RHBDF2: variants seen among roughly 807,000 people sequenced by gnomAD.
RHBDF2 encodes the protein rhomboid 5 homolog 2.
Under a neutral mutation model 95.2 loss-of-function variants are expected in RHBDF2, and 38 were observed. The observed-to-expected ratio is 0.40, with a 90% CI of 0.31 to 0.52. The LOEUF is 0.52. Among genes scored for constraint, RHBDF2 ranks in the 20% least tolerant of loss-of-function variants. RHBDF2 has a pLI of 0.56. For synonymous variants in RHBDF2, 442 were observed against 462.0 expected (o/e 0.96, Z 0.55); for missense variants, 863 against 1,137.7 (o/e 0.76, Z 3.47).
At chr17:76,488,610 C>T (rs2074209413) in intron 1 of RHBDF2, among the ~76,000 whole-genome samples, 1 of 151,936 alleles carries the variant, frequency 6.6e-6, no homozygotes, top group African/African-American at 2.4e-5. Flanking sequence ...GAGTTCGAGA[C>T]CAGCCTGGCC....
intron 4 of RHBDF2, 152 bp downstream of exon 4, chr17:76,479,581 A>G: frequency 1.4e-6 from 1 of 726,550 alleles, no homozygotes; most frequent in South Asian, 1.5e-5. Flanking sequence ...CATCTATACC[A>G]TGATAATAGG....
chr17:76,478,742 G>C, intron 6 of RHBDF2, 64 bp downstream of exon 6: 17 of 1,388,968 alleles, frequency 1.2e-5, no homozygotes, highest in Non-Finnish European at 1.7e-5. Context: ...ATGAGGAGTG[G>C]AAGGGAGGGG....
At chr17:76,483,494 A>G (rs1567883237) in intron 2 of RHBDF2, among the ~76,000 whole-genome samples, 1 of 152,132 alleles carries the variant, frequency 6.6e-6, no homozygotes, top group Non-Finnish European at 1.5e-5. Context: ...CATGTTGGTC[A>G]GGCTGGTCTC....
intron 2 of RHBDF2, among the ~76,000 whole-genome samples, chr17:76,482,281 A>C (rs1399558591): frequency 6.6e-6 from 1 of 151,230 alleles, no homozygotes; most frequent in Non-Finnish European, 1.5e-5. Flanking sequence ...AGAGATGAGA[A>C]ACCTACTGTG....
chr17:76,472,158 G>A (rs2073593803), intron 18 of RHBDF2, 106 bp from the exon 19 acceptor site: 1 of 1,176,288 alleles, frequency 8.5e-7, no homozygotes, highest in South Asian at 1.6e-5. Context: ...GGCAGGCATG[G>A]GGACCCCTGA....
rs542240826 is a variant in RHBDF2, at chr17:76,490,590, C to G, written c.-219-2681G>C. Reference sequence around the variant, plus strand: ...GATGGGAGGCAAGCAGTGGAAGCAGCTGGGTGCAAGGGTGGGGCCTCCAGA... The same window carrying G: ...GATGGGAGGCAAGCAGTGGAAGCAGGTGGGTGCAAGGGTGGGGCCTCCAGA... On this transcript the variant is annotated intron_variant, in intron 1 of 18. Transcript: ENST00000675367. Among the ~76,000 whole-genome samples the G allele has an allele frequency of 3.2e-3, 489 of 152,238 alleles. 2 individuals carry two copies. Among genetic ancestry groups the G allele is most frequent in the Middle Eastern group, 0.01 (3 of 294 alleles).
At chr17:76,481,731 GA>G in intron 2 of RHBDF2, 186 bp from the exon 3 acceptor site, 1 of 462,622 alleles carries the variant, frequency 2.2e-6, no homozygotes, top group South Asian at 2.8e-5. Flanking sequence ...GAGGTGGGGG[GA>G]TCACGAGGTC....
chr17:76,484,348 T>C (rs962352743), intron 2 of RHBDF2, among the ~76,000 whole-genome samples: 2 of 151,980 alleles, frequency 1.3e-5, no homozygotes, highest in South Asian at 2.1e-4. Flanking sequence ...GTTTTGTTTT[T>C]CCTCTCCTTG....
intron 1 of RHBDF2, among the ~76,000 whole-genome samples, chr17:76,495,161 G>A (rs2074402534): frequency 6.6e-6 from 1 of 152,218 alleles, no homozygotes; most frequent in East Asian, 1.9e-4. Flanking sequence ...GTTTTCACGG[G>A]TCCTTGGAAG....
At chr17:76,486,362 C>G (rs1177012655) in intron 2 of RHBDF2, among the ~76,000 whole-genome samples, 1 of 152,136 alleles carries the variant, frequency 6.6e-6, no homozygotes, top group Non-Finnish European at 1.5e-5. Flanking sequence ...TTCGGCCTCT[C>G]AGAAAGTGCT....
Position 76,474,129 on chromosome 17 carries a change from G to A in RHBDF2, c.1478C>T (p.Thr493Ile), listed in dbSNP as rs1567873282. 3.8e-6 allele frequency: 6 copies of A among 1,586,388 alleles called. No individual in the cohort carries two copies. Among genetic ancestry groups the A allele is most frequent in the Non-Finnish European group, 5.1e-6 (6 of 1,168,670 alleles). ...QRKDCSETLA[T>I]FVKWQDDTGP... ...AGTGTCATCCTGCCACTTGACAAAA[G>A]TGGCCAAAGTCTCCTGGAGGGCAGA... Residue 493 changes from threonine to isoleucine, a missense_variant, in exon 13 of 19, where the codon ACT becomes ATT. By Grantham distance (89) the Thr-to-Ile change is moderately conservative (BLOSUM62 -1). Around this residue, in one of 2 missense-constraint regions of RHBDF2, gnomAD observed 611 missense variants for 725.5 expected, o/e 0.84. Coordinates refer to ENST00000675367, the MANE Select transcript of RHBDF2 (RefSeq NM_001005498.4).
At chr17:76,489,079 T>C (rs2074226761) in intron 1 of RHBDF2, among the ~76,000 whole-genome samples, 1 of 151,914 alleles carries the variant, frequency 6.6e-6, no homozygotes, top group Non-Finnish European at 1.5e-5. Context: ...TGAGCCGAGA[T>C]CGCGCCACTG....
intron 2 of RHBDF2, among the ~76,000 whole-genome samples, chr17:76,486,329 C>T (rs1160643732): frequency 6.6e-6 from 1 of 152,246 alleles, no homozygotes; most frequent in South Asian, 2.1e-4. Flanking sequence ...AGGCTAGTCT[C>T]GAACTCCTTA....
rs1292747550 is a variant in RHBDF2 at position 76,478,809 on chromosome 17, G to T, written c.669C>A (p.Leu223=). The change falls in exon 6 of 19, where the codon CTC becomes CTA. Residue 223 remains leucine (L), a synonymous_variant. Coordinates refer to ENST00000675367, the MANE Select transcript of RHBDF2 (RefSeq NM_001005498.4). ...HMSLQAAAAL[L]KGRSVLDATG... ...CCTGCAGGAGGGAGCCCCGCACCTT[G>T]AGGAGGGCAGCGGCAGCTTGCAAGC... 6.2e-7 allele frequency: 1 copy of T among 1,611,384 alleles called. No individual in the cohort carries two copies. Among genetic ancestry groups the T allele is most frequent in the Non-Finnish European group, 8.5e-7 (1 of 1,178,868 alleles).
In RHBDF2 at chr17:76,481,493, A is replaced by G. The variant is rs774891294; in HGVS notation, c.32T>C (p.Val11Ala). The change falls in exon 3 of 19, where the codon GTG (valine) becomes GCG (alanine). Residue 11 changes from valine (V) to alanine (A), a missense_variant. By Grantham distance (64) the Val-to-Ala change is moderately conservative. Transcript: ENST00000675367. Reference sequence around the variant, plus strand: ...CAGGCGGCTGCTGGACACAGAGGACACGCTCCCGCCATTCTTGTCAGCAGA... The same window carrying G: ...CAGGCGGCTGCTGGACACAGAGGACGCGCTCCCGCCATTCTTGTCAGCAGA... MASADKNGGSVSSVSSSRLQS... is the reference protein window; with the variant it reads MASADKNGGSASSVSSSRLQS... The G allele has an allele frequency of 1.2e-6, 2 of 1,605,132 alleles. No homozygotes were observed. Among genetic ancestry groups the G allele is most frequent in the Non-Finnish European group, 1.7e-6 (2 of 1,177,276 alleles).
At position 76,474,453 on chromosome 17, in the gene RHBDF2, G is replaced by A. The variant is rs1259181436; in HGVS notation, c.1384C>T (p.Arg462Ter). Residue 462 changes from arginine to a stop codon, truncating the protein, a stop_gained, in exon 12 of 19, where the codon CGA becomes TGA. Transcript: ENST00000675367. LOFTEE classifies it high-confidence loss of function. ...GQIEQLVLRE[R>*]DLERDSGCCV... ...CAGCCTGAGTCCCGCTCCAGGTCTC[G>A]CTCGCGCAGCACCAGCTGCTCGATC... The A allele has an allele frequency of 2.5e-6, 4 of 1,614,070 alleles. No homozygotes were observed. Among genetic ancestry groups the A allele is most frequent in the Admixed American group, 1.7e-5 (1 of 60,022 alleles).
chr17:76,485,981 T>A (rs2074114967), intron 2 of RHBDF2, among the ~76,000 whole-genome samples: 1 of 150,914 alleles, frequency 6.6e-6, no homozygotes, highest in Admixed American at 6.6e-5. Flanking sequence ...GGGCAGGGGG[T>A]GACAGCTAAA....
intron 2 of RHBDF2, among the ~76,000 whole-genome samples, chr17:76,483,571 C>A (rs2074034372): frequency 6.6e-6 from 1 of 152,218 alleles, no homozygotes; most frequent in Admixed American, 6.5e-5. Context: ...AGGTTTCAGC[C>A]ACCACACCCG....
intron 1 of RHBDF2, among the ~76,000 whole-genome samples, chr17:76,497,676 G>A (rs548357626): frequency 1.5e-4 from 23 of 152,068 alleles, no homozygotes; most frequent in African/African-American, 4.3e-4. Flanking sequence ...CCTTTACCAC[G>A]GGAGTCCTCA....
Sources: gnomAD v4.1 joint callset for allele counts (sites outside exome capture counted in the v4.1 genomes callset) on GRCh38, gnomAD v4.1.1 for gene constraint, gnomAD v4.1.1 regional missense constraint, MANE v1.5 for transcripts, NCBI Gene and HGNC (gene_info 2026-07-23, HGNC 2026-07-21) for gene names.